The following HSD17B12 variants were observed in gnomAD, a reference collection of about 807,000 sequenced individuals.
HSD17B12 encodes very-long-chain 3-oxoacyl-CoA reductase.
HSD17B12 carries 32 observed loss-of-function variants against 39.3 expected under a neutral mutation model. The observed-to-expected ratio is 0.81, with a 90% CI of 0.61 to 1.09. HSD17B12 has a LOEUF of 1.09. Among genes scored for constraint, HSD17B12 ranks in the 50% least tolerant of loss-of-function variants. The probability of loss-of-function intolerance (pLI) is 0.00; values close to 1 mark genes in which losing one functional copy is unlikely to be tolerated. For synonymous variants in HSD17B12, 150 were observed against 146.7 expected (o/e 1.02, Z -0.16); for missense variants, 342 against 382.9 (o/e 0.89, Z 0.89).
intron 1 of HSD17B12, among the ~76,000 whole-genome samples, chr11:43,735,928 C>T (rs940297588): frequency 1.3e-5 from 2 of 152,170 alleles, no homozygotes; most frequent in African/African-American, 4.8e-5. Flanking sequence ...CTCCTGATAA[C>T]CCACTCACTG....
At chr11:43,678,623 G>C (rs1949713579), upstream of HSD17B12, among the ~76,000 whole-genome samples, 1 of 152,102 alleles carries the variant, frequency 6.6e-6, no homozygotes, top group South Asian at 2.1e-4. Context: ...AAGGTGTAAG[G>C]AAGGGATCCA....
At chr11:43,565,368 G>A in the HSD17B12 span, among the ~76,000 whole-genome samples, 1,718 of 152,290 alleles carry the variant, frequency 0.011, 15 homozygotes, top group Admixed American at 0.018. Context: ...GAGGATTGAA[G>A]GCAGGGTCTT....
At chr11:43,853,883 A>T (rs1209769070) in intron 9 of HSD17B12, 2 of 152,224 alleles carry the variant, frequency 1.3e-5, no homozygotes, top group Non-Finnish European at 2.9e-5. Flanking sequence ...TTGAACTACC[A>T]TGCCCAGGTT....
chr11:43,824,495 C>T (rs1312046921), intron 6 of HSD17B12, among the ~76,000 whole-genome samples: 2 of 152,132 alleles, frequency 1.3e-5, no homozygotes, highest in African/African-American at 4.8e-5. Context: ...GATTTGGTGT[C>T]GAGTGAGGAC....
chr11:43,635,811 G>A, the HSD17B12 span, among the ~76,000 whole-genome samples: 1 of 121,928 alleles, frequency 8.2e-6, no homozygotes, highest in Non-Finnish European at 1.7e-5. Flanking sequence ...TTTGTCTTCT[G>A]AATAGTTATG....
At chr11:43,828,236 G>T (rs1231330090) in intron 6 of HSD17B12, among the ~76,000 whole-genome samples, 1 of 148,050 alleles carries the variant, frequency 6.8e-6, no homozygotes, top group Non-Finnish European at 1.5e-5. Context: ...TCTGCCTCCC[G>T]GGTTCACGCC....
At chr11:43,624,117 G>A in the HSD17B12 span, among the ~76,000 whole-genome samples, 1 of 151,884 alleles carries the variant, frequency 6.6e-6, no homozygotes, top group Non-Finnish European at 1.5e-5. Context: ...TGACTTGTTT[G>A]TCCTCACTGA....
intron 1 of HSD17B12, among the ~76,000 whole-genome samples, chr11:43,717,755 C>A (rs539265588): frequency 5.9e-5 from 9 of 151,916 alleles, no homozygotes; most frequent in Non-Finnish European, 1.0e-4. Context: ...TATCTTAAGG[C>A]CTTGATCTGA....
intron 1 of HSD17B12, among the ~76,000 whole-genome samples, chr11:43,711,649 A>G (rs1245439987): frequency 6.6e-6 from 1 of 151,736 alleles, no homozygotes; most frequent in Non-Finnish European, 1.5e-5. Context: ...TAATTTTTAT[A>G]TTTTGAGTAG....
At chr11:43,578,701 G>T in the HSD17B12 span, among the ~76,000 whole-genome samples, 2 of 152,064 alleles carry the variant, frequency 1.3e-5, no homozygotes, top group Non-Finnish European at 2.9e-5. Context: ...ATAGGGGTGG[G>T]GGGAGCGGTC....
the HSD17B12 span, among the ~76,000 whole-genome samples, chr11:43,587,075 C>T: frequency 6.6e-6 from 1 of 152,130 alleles, no homozygotes; most frequent in Non-Finnish European, 1.5e-5. Context: ...CTATCTAGTC[C>T]CAACTACTCA....
intron 1 of HSD17B12, among the ~76,000 whole-genome samples, chr11:43,729,667 C>G (rs1056643504): frequency 1.7e-4 from 26 of 152,212 alleles, no homozygotes; most frequent in African/African-American, 6.0e-4. Flanking sequence ...GGAAAGTATG[C>G]TTTCTTTGAT....
chr11:43,679,296 A>G (rs1412152729), upstream of HSD17B12, among the ~76,000 whole-genome samples: 1 of 152,172 alleles, frequency 6.6e-6, no homozygotes, highest in Non-Finnish European at 1.5e-5. Flanking sequence ...CAAGACAGGG[A>G]TGCCCTCTCT....
chr11:43,621,522 CT>C, the HSD17B12 span, among the ~76,000 whole-genome samples: 2 of 152,038 alleles, frequency 1.3e-5, no homozygotes, highest in Non-Finnish European at 2.9e-5. Flanking sequence ...CAAGACCAGC[CT>C]GGGCAACATG....
chr11:43,749,829 T>C (rs1590717369), intron 1 of HSD17B12, among the ~76,000 whole-genome samples: 1 of 152,190 alleles, frequency 6.6e-6, no homozygotes, highest in East Asian at 1.9e-4. Flanking sequence ...CATAACTTGT[T>C]TTTCAAAGTC....
chr11:43,707,396 C>T (rs143378150), intron 1 of HSD17B12, among the ~76,000 whole-genome samples: 11 of 152,340 alleles, frequency 7.2e-5, no homozygotes, highest in African/African-American at 1.4e-4. Context: ...TTTCTCGATA[C>T]GTTGACATTT....
intron 3 of HSD17B12, among the ~76,000 whole-genome samples, chr11:43,767,968 CA>C (rs1407909253): frequency 6.6e-6 from 1 of 152,228 alleles, no homozygotes; most frequent in Non-Finnish European, 1.5e-5. Flanking sequence ...ATACTCCTCA[CA>C]TGATTTAAAA....
At chr11:43,558,612 G>A in the HSD17B12 span, among the ~76,000 whole-genome samples, 1 of 152,066 alleles carries the variant, frequency 6.6e-6, no homozygotes, top group African/African-American at 2.4e-5. Context: ...ATCCGTGTGG[G>A]GGCACTACTT....
At chr11:43,809,772 C>T (rs35282471) in intron 4 of HSD17B12, among the ~76,000 whole-genome samples, 2,735 of 152,212 alleles carry the variant, frequency 0.018, 42 homozygotes, top group Middle Eastern at 0.034. Flanking sequence ...GAGCTGAGAT[C>T]GAGCCATTGC....
Sources: gnomAD v4.1 joint callset for allele counts (sites outside exome capture counted in the v4.1 genomes callset) on GRCh38, gnomAD v4.1.1 for gene constraint, MANE v1.5 for transcripts, NCBI Gene and HGNC (gene_info 2026-07-23, HGNC 2026-07-21) for gene names.